NRCAM: variants seen among roughly 807,000 people sequenced by gnomAD.
NRCAM encodes neuronal cell adhesion molecule.
In NRCAM, 83 loss-of-function variants were observed where a neutral mutation model predicts 156.5. The ratio of observed to expected loss-of-function variants is 0.53; its 90% confidence interval spans 0.44 to 0.64. The LOEUF (loss-of-function observed/expected upper bound fraction) is 0.64. NRCAM is among the 30% of genes least tolerant of loss of function. NRCAM has a pLI of 0.00. For missense variants in NRCAM, 1,417 were observed against 1,597.3 expected, an observed-to-expected ratio of 0.89 and a Z score of 1.92; for synonymous variants, 538 against 563.9, an observed-to-expected ratio of 0.95 and a Z score of 0.65.
intron 2 of NRCAM, among the ~76,000 whole-genome samples, chr7:108,318,545 C>G (rs1319983384): frequency 6.6e-6 from 1 of 152,142 alleles, no homozygotes; most frequent in Non-Finnish European, 1.5e-5. Flanking sequence ...ACACTGTTGA[C>G]AAACACAGAA....
chr7:108,221,812 A>G (rs1311238579), intron 11 of NRCAM, among the ~76,000 whole-genome samples: 1 of 152,136 alleles, frequency 6.6e-6, no homozygotes, highest in African/African-American at 2.4e-5. Flanking sequence ...AACTTACTCC[A>G]CTAAATAACT....
At chr7:108,377,799 G>A (rs2099682440) in intron 2 of NRCAM, among the ~76,000 whole-genome samples, 1 of 151,868 alleles carries the variant, frequency 6.6e-6, no homozygotes, top group Admixed American at 6.6e-5. Context: ...AAACATTCTG[G>A]AAAAATACAA....
intron 3 of NRCAM, among the ~76,000 whole-genome samples, chr7:108,288,514 A>G (rs996903267): frequency 6.6e-6 from 1 of 152,148 alleles, no homozygotes; most frequent in Non-Finnish European, 1.5e-5. Context: ...TTATATGCCA[A>G]TTAGTTTAGA....
intron 11 of NRCAM, among the ~76,000 whole-genome samples, chr7:108,215,780 C>T (rs1319948919): frequency 6.7e-6 from 1 of 149,524 alleles, no homozygotes; most frequent in Non-Finnish European, 1.5e-5. Flanking sequence ...ATTCCTCCAT[C>T]CCTTTATTTT....
intron 11 of NRCAM, among the ~76,000 whole-genome samples, chr7:108,217,858 A>G (rs1327284641): frequency 6.6e-6 from 1 of 152,092 alleles, no homozygotes; most frequent in Non-Finnish European, 1.5e-5. Flanking sequence ...GCTGGGCTTC[A>G]TGGGGGTGGG....
intron 3 of NRCAM, among the ~76,000 whole-genome samples, chr7:108,255,175 CCCCT>C (rs1369611055): frequency 3.2e-4 from 24 of 75,446 alleles, no homozygotes; most frequent in African/African-American, 1.2e-3. Context: ...CCCCCTCCCC[CCCCT>C]GCCCCTCCCA....
At chr7:108,206,254 CT>C (rs2081093976) in intron 13 of NRCAM, among the ~76,000 whole-genome samples, 1 of 152,216 alleles carries the variant, frequency 6.6e-6, no homozygotes. Context: ...ACTTGTGCCA[CT>C]TTAAATCTGC....
intron 2 of NRCAM, among the ~76,000 whole-genome samples, chr7:108,371,723 C>T (rs2099629817): frequency 6.6e-6 from 1 of 152,112 alleles, no homozygotes; most frequent in Non-Finnish European, 1.5e-5. Flanking sequence ...ATTAATATAA[C>T]AGTTATATAG....
intron 2 of NRCAM, among the ~76,000 whole-genome samples, chr7:108,397,357 A>C (rs2099779703): frequency 6.6e-6 from 1 of 152,228 alleles, no homozygotes; most frequent in African/African-American, 2.4e-5. Flanking sequence ...AATTAAGATC[A>C]CAGTAATCAA....
At position 108,323,551 on chromosome 7, in the gene NRCAM, A is replaced by G. The variant is rs117407185; in HGVS notation, c.-173-10820T>C. Among the ~76,000 whole-genome samples, 63 of 152,298 alleles carry G rather than the reference A, an allele frequency of 4.1e-4. No individual in the cohort carries two copies. The East Asian group carries it at 0.01, about 25-fold the overall frequency. On this transcript the variant is annotated intron_variant, in intron 2 of 32. Transcript: ENST00000379028. ...ACTTTTATTACTCTTAGAGAAAGCA[A>G]ATTCTTTTTCCCACTTAAATTTGCA...
intron 2 of NRCAM, among the ~76,000 whole-genome samples, chr7:108,371,820 C>T (rs1041813551): frequency 2.6e-5 from 4 of 152,016 alleles, no homozygotes; most frequent in Non-Finnish European, 5.9e-5. Flanking sequence ...AGATTCAATA[C>T]AATGCTTATT....
chr7:108,277,577 C>T (rs1456708603), intron 3 of NRCAM, among the ~76,000 whole-genome samples: 1 of 152,004 alleles, frequency 6.6e-6, no homozygotes, highest in Admixed American at 6.6e-5. Flanking sequence ...CTGTGGTTTT[C>T]AGCTCCATCA....
intron 1 of NRCAM, among the ~76,000 whole-genome samples, chr7:108,425,301 T>C (rs920972835): frequency 6.6e-5 from 10 of 152,216 alleles, no homozygotes; most frequent in East Asian, 1.9e-4. Context: ...TTTTATTTCA[T>C]AGATATTTCC....
chr7:108,166,362 C>T (rs2054234846), intron 30 of NRCAM, among the ~76,000 whole-genome samples: 1 of 151,768 alleles, frequency 6.6e-6, no homozygotes, highest in Non-Finnish European at 1.5e-5. Context: ...ATTCTCCTGC[C>T]TCAGCCTCCT....
At chr7:108,369,422 G>A (rs956867445) in intron 2 of NRCAM, among the ~76,000 whole-genome samples, 2 of 151,968 alleles carry the variant, frequency 1.3e-5, no homozygotes, top group Non-Finnish European at 2.9e-5. Context: ...AAAAGTCTTT[G>A]AAAGTATTTT....
At chr7:108,372,693 A>C (rs563219485) in intron 2 of NRCAM, among the ~76,000 whole-genome samples, 70 of 152,264 alleles carry the variant, frequency 4.6e-4, no homozygotes, top group African/African-American at 1.7e-3. Context: ...CAAACAAATA[A>C]ACAAAAGACA....
At chr7:108,368,802 C>T (rs1175277841) in intron 2 of NRCAM, among the ~76,000 whole-genome samples, 2 of 152,052 alleles carry the variant, frequency 1.3e-5, no homozygotes, top group Non-Finnish European at 2.9e-5. Context: ...TCCGAAAGCA[C>T]ATTAATGTTG....
chr7:108,303,797 T>C (rs1592503894), intron 3 of NRCAM, among the ~76,000 whole-genome samples: 1 of 152,146 alleles, frequency 6.6e-6, no homozygotes, highest in African/African-American at 2.4e-5. Flanking sequence ...TTCTCAAGGA[T>C]TTTCCTGATG....
chr7:108,345,967 G>A (rs960736120), intron 2 of NRCAM, among the ~76,000 whole-genome samples: 1 of 152,234 alleles, frequency 6.6e-6, no homozygotes, highest in Non-Finnish European at 1.5e-5. Context: ...GCTGTGGGCT[G>A]TAGGAGCCTC....
Sources: gnomAD v4.1 joint callset for allele counts (sites outside exome capture counted in the v4.1 genomes callset) on GRCh38, gnomAD v4.1.1 for gene constraint, MANE v1.5 for transcripts, NCBI Gene and HGNC (gene_info 2026-07-23, HGNC 2026-07-21) for gene names.